Variants in OTUD7A observed in about 807,000 individuals in gnomAD.
The protein encoded by OTUD7A is OTU deubiquitinase 7A.
In OTUD7A, 12 loss-of-function variants were observed where a neutral mutation model predicts 65.7. That is an observed-to-expected ratio of 0.18 (90% CI 0.12 to 0.30). The LOEUF is 0.30. Ranked by LOEUF, OTUD7A falls within the 10% of genes least tolerant of loss-of-function variation. The pLI is 1.00. For synonymous variants in OTUD7A, 641 were observed against 586.3 expected (o/e 1.09, Z -1.35); for missense variants, 1,148 against 1,304.8 (o/e 0.88, Z 1.85).
chr15:31,869,483 T>C (rs187813378), intron 1 of OTUD7A, among the ~76,000 whole-genome samples: 103 of 152,342 alleles, frequency 6.8e-4, no homozygotes, highest in African/African-American at 2.3e-3. Context: ...TTTTTAAAAA[T>C]TGTTCCTCTT....
In OTUD7A at chr15:31,636,971, TAACATAA is replaced by T. The variant is rs534375015; in HGVS notation, c.151+18118_151+18124del. ...GTTTAAGGAAAAAAGCCATCTTCAA[TAACATAA>T]AAGTTTCATGTTATTGCACTGGGGA... On this transcript the variant is annotated intron_variant, in intron 3 of 12. Transcript: ENST00000307050. Among the ~76,000 whole-genome samples, 42 of 152,312 alleles carry T rather than the reference TAACATAA, an allele frequency of 2.8e-4. No individual in the cohort carries two copies. The South Asian group carries it at 8.7e-3, about 32-fold the overall frequency.
intron 3 of OTUD7A, among the ~76,000 whole-genome samples, chr15:31,633,202 T>C (rs1891233456): frequency 6.6e-6 from 1 of 152,104 alleles, no homozygotes; most frequent in South Asian, 2.1e-4. Context: ...AAATCACCCG[T>C]CTTCTGTGTT....
chr15:31,578,211 A>G (rs1354178859), intron 3 of OTUD7A, among the ~76,000 whole-genome samples: 2 of 152,232 alleles, frequency 1.3e-5, no homozygotes, highest in African/African-American at 4.8e-5. Context: ...AAAGCTGACC[A>G]GCATTTAACA....
chr15:31,488,792 G>T (rs2041276190), intron 10 of OTUD7A, among the ~76,000 whole-genome samples: 1 of 152,220 alleles, frequency 6.6e-6, no homozygotes, highest in Non-Finnish European at 1.5e-5. Flanking sequence ...GGAAAAGTGG[G>T]TGCAAATAAT....
At chr15:31,559,693 C>T (rs9944232) in intron 4 of OTUD7A, among the ~76,000 whole-genome samples, 35,624 of 152,026 alleles carry the variant, frequency 0.23, 5,268 homozygotes, top group East Asian at 0.67. Context: ...TACATGCCCA[C>T]GCACATACAC....
At chr15:31,506,936 G>A (rs1283558156) in intron 8 of OTUD7A, among the ~76,000 whole-genome samples, 1 of 152,122 alleles carries the variant, frequency 6.6e-6, no homozygotes, top group Admixed American at 6.5e-5. Flanking sequence ...AAGTGGAAAG[G>A]GGATAATTTG....
chr15:31,710,692 C>T (rs1212659612), intron 1 of OTUD7A, among the ~76,000 whole-genome samples: 17 of 152,262 alleles, frequency 1.1e-4, no homozygotes, highest in East Asian at 1.9e-4. Flanking sequence ...TTCACACCCA[C>T]GCTTCCTTTT....
intron 1 of OTUD7A, among the ~76,000 whole-genome samples, chr15:31,753,602 C>T (rs1464684097): frequency 6.7e-6 from 1 of 150,080 alleles, no homozygotes; most frequent in South Asian, 2.1e-4. Context: ...TCTCCAATCT[C>T]ATCCAGGTTG....
intron 1 of OTUD7A, among the ~76,000 whole-genome samples, chr15:31,665,314 T>C (rs138150970): frequency 6.6e-6 from 1 of 152,364 alleles, no homozygotes; most frequent in African/African-American, 2.4e-5. Flanking sequence ...TCCCAATTGT[T>C]TGTGTCATCT....
chr15:31,669,009 T>C (rs1892406727), intron 1 of OTUD7A, among the ~76,000 whole-genome samples: 1 of 152,218 alleles, frequency 6.6e-6, no homozygotes, highest in Non-Finnish European at 1.5e-5. Context: ...AAACCATCTA[T>C]GGGTGTCTTA....
chr15:31,783,808 T>C (rs1423095194), intron 1 of OTUD7A, among the ~76,000 whole-genome samples: 1 of 152,206 alleles, frequency 6.6e-6, no homozygotes, highest in African/African-American at 2.4e-5. Context: ...CTGAAAACGA[T>C]CATTTTTCAG....
chr15:31,826,341 T>C (rs931431999), intron 1 of OTUD7A, among the ~76,000 whole-genome samples: 8 of 152,240 alleles, frequency 5.3e-5, no homozygotes, highest in African/African-American at 1.9e-4. Flanking sequence ...CACATGGATA[T>C]TGCCAAAGCT....
At chr15:31,493,928 A>C (rs1032950252) in intron 10 of OTUD7A, among the ~76,000 whole-genome samples, 4 of 152,216 alleles carry the variant, frequency 2.6e-5, no homozygotes, top group Admixed American at 6.5e-5. Context: ...TAGTAATCAA[A>C]ATTTCTGCCT....
chr15:31,483,784 G>T lies in OTUD7A; in HGVS notation c.2312C>A (p.Pro771Gln), dbSNP rs1290739551. ...GATGACGCTCTGGCGCGCTGGCGCC[G>T]GGGGGCTGCGGCCAGGCACTGGTCC... ...ASGPVPGRSP[P>Q]APARQSVIHV... The change falls in exon 13 of 13, where the codon CCG becomes CAG. Residue 771 changes from proline to glutamine, a missense_variant. Transcript: ENST00000307050. 8 of 1,045,040 alleles carry T rather than the reference G, an allele frequency of 7.7e-6. No individual in the cohort carries two copies. The South Asian group carries it at 1.3e-4, about 17-fold the overall frequency. 64.7% of individuals were successfully genotyped at this position (1,045,040 alleles called of 1,614,324 possible).
intron 1 of OTUD7A, among the ~76,000 whole-genome samples, chr15:31,701,686 A>G (rs1566979917): frequency 6.6e-6 from 1 of 151,496 alleles, no homozygotes; most frequent in Non-Finnish European, 1.5e-5. Flanking sequence ...AGAAATGTCC[A>G]GGCCTAGATG....
chr15:31,858,464 T>A (rs1419261046), intron 1 of OTUD7A, among the ~76,000 whole-genome samples: 1 of 152,122 alleles, frequency 6.6e-6, no homozygotes, highest in Non-Finnish European at 1.5e-5. Context: ...ATCTGCCAAA[T>A]GCCCAAGTGC....
chr15:31,492,535 A>C (rs537689411), intron 10 of OTUD7A, among the ~76,000 whole-genome samples: 1 of 151,556 alleles, frequency 6.6e-6, no homozygotes, highest in East Asian at 1.9e-4. Flanking sequence ...AGCCTGCAAG[A>C]TCATGCCACT....
At chr15:31,485,565 T>TG (rs1160085088) in intron 12 of OTUD7A, among the ~76,000 whole-genome samples, 1 of 149,604 alleles carries the variant, frequency 6.7e-6, no homozygotes, top group East Asian at 2.0e-4. Flanking sequence ...ATATCTGGGG[T>TG]GGGGGGACCC....
chr15:31,756,511 C>T (rs1182557813), intron 1 of OTUD7A, among the ~76,000 whole-genome samples: 1 of 152,102 alleles, frequency 6.6e-6, no homozygotes, highest in Non-Finnish European at 1.5e-5. Flanking sequence ...CAACTATGGC[C>T]TCAATGCTCC....
Sources: allele counts gnomAD v4.1 joint callset (sites outside exome capture counted in the v4.1 genomes callset), GRCh38; gene constraint gnomAD v4.1.1; transcripts MANE v1.5; gene names NCBI Gene and HGNC (gene_info 2026-07-23, HGNC 2026-07-21).